The following CASK variants were observed in gnomAD, a reference collection of about 807,000 sequenced individuals.
CASK encodes calcium/calmodulin dependent serine protein kinase.
In CASK, 4 loss-of-function variants were observed where a neutral mutation model predicts 82.9. The ratio of observed to expected loss-of-function variants is 0.05; its 90% CI spans 0.02 to 0.11. CASK has a LOEUF of 0.11. CASK is among the 10% of genes least tolerant of loss of function. The pLI, the probability that CASK is intolerant of heterozygous loss-of-function variation, is 1.00. For synonymous variants in CASK, 259 were observed against 253.5 expected (o/e 1.02, Z -0.20); for missense variants, 358 against 720.9 (o/e 0.50, Z 5.76).
intron 5 of CASK, among the ~76,000 whole-genome samples, chrX:41,711,144 C>T (rs1485348609): frequency 9.0e-6 from 1 of 110,998 alleles, no homozygotes; most frequent in African/African-American, 3.3e-5. Flanking sequence ...TAGCCATTGG[C>T]ATCTAAAGGT....
At chrX:41,618,268 T>A (rs748117653) in intron 11 of CASK, among the ~76,000 whole-genome samples, 2 of 112,390 alleles carry the variant, frequency 1.8e-5, no homozygotes, top group Non-Finnish European at 3.8e-5. Flanking sequence ...TACTACCTTA[T>A]GTGATTCCAC....
intron 14 of CASK, among the ~76,000 whole-genome samples, chrX:41,583,565 T>C (rs1438595122): frequency 9.1e-6 from 1 of 110,188 alleles, no homozygotes; most frequent in African/African-American, 3.3e-5. Flanking sequence ...GCCTCTCAAG[T>C]AGCTGGGACT....
intron 2 of CASK, among the ~76,000 whole-genome samples, chrX:41,839,009 C>T (rs1336384035): frequency 1.8e-5 from 2 of 111,500 alleles, no homozygotes; most frequent in African/African-American, 3.3e-5. Flanking sequence ...CATCAAGCTA[C>T]GTGTCTATCT....
intron 25 of CASK, 29 bp from the exon 26 acceptor site, chrX:41,524,063 G>A (rs756050325): frequency 1.7e-5 from 16 of 927,938 alleles, no homozygotes; most frequent in Admixed American, 1.0e-4. Flanking sequence ...AAAAAATCCC[G>A]ACTTAAAAGA....
intron 1 of CASK, among the ~76,000 whole-genome samples, chrX:41,895,370 T>C (rs748022635): frequency 9.0e-6 from 1 of 111,707 alleles, no homozygotes. Flanking sequence ...TAAAGGTATG[T>C]TCATTTATTT....
At chrX:41,802,097 C>T (rs1373331477) in intron 2 of CASK, among the ~76,000 whole-genome samples, 1 of 111,266 alleles carries the variant, frequency 9.0e-6, no homozygotes, top group Non-Finnish European at 1.9e-5. Flanking sequence ...ACAGAGTGTT[C>T]CCAGGCACCT....
chrX:41,715,211 G>A, intron 5 of CASK, among the ~76,000 whole-genome samples: 1 of 112,668 alleles, frequency 8.9e-6, no homozygotes, highest in Non-Finnish European at 1.9e-5. Context: ...CACATGGTCA[G>A]GCAGAAGGGC....
chrX:41,571,551 T>C (rs1243214920), intron 15 of CASK, among the ~76,000 whole-genome samples: 2 of 111,855 alleles, frequency 1.8e-5, no homozygotes, highest in Non-Finnish European at 3.8e-5. Flanking sequence ...TTCCCCGTGA[T>C]TGTATAGCCA....
intron 2 of CASK, among the ~76,000 whole-genome samples, chrX:41,811,096 C>A (rs1306809652): frequency 9.0e-6 from 1 of 111,377 alleles, no homozygotes; most frequent in Non-Finnish European, 1.9e-5. Context: ...TCCTTAGAGA[C>A]CTACAAAGAG....
At chrX:41,598,818 T>C (rs977474530) in intron 12 of CASK, among the ~76,000 whole-genome samples, 1 of 112,098 alleles carries the variant, frequency 8.9e-6, no homozygotes, top group African/African-American at 3.2e-5. Flanking sequence ...AAATTGTTTT[T>C]CTTGAAATTT....
intron 3 of CASK, among the ~76,000 whole-genome samples, chrX:41,758,852 CAA>C (rs752916469): frequency 6.2e-4 from 69 of 112,190 alleles, no homozygotes; most frequent in African/African-American, 2.1e-3. Context: ...GATATACTGT[CAA>C]AGACATTAAA....
chrX:41,795,020 T>C (rs1602635373), intron 2 of CASK, among the ~76,000 whole-genome samples: 1 of 111,865 alleles, frequency 8.9e-6, no homozygotes, highest in Admixed American at 9.5e-5. Context: ...CAGAAAGCAA[T>C]TTGTGGTCTG....
intron 19 of CASK, 137 bp from the exon 20 acceptor site, chrX:41,555,772 A>G (rs1464273886): frequency 2.0e-6 from 1 of 489,463 alleles, no homozygotes; most frequent in African/African-American, 2.4e-5. Context: ...ACATTATTCC[A>G]TTTATCAGAA....
rs185302598 is a variant in CASK, at chrX:41,557,902, T to C, written c.1738-802A>G. 2.7e-5 allele frequency among the ~76,000 whole-genome samples: 3 copies of C among 111,966 alleles called. No homozygotes were observed. The East Asian group carries it at 8.4e-4, about 31-fold the overall frequency. ...AAATAAGTACTTTTTAATTTTTGCT[T>C]CTGTAGAGTTCTTTTAAGCCTTAGA... On this transcript the variant is annotated intron_variant, in intron 18 of 26. Transcript: ENST00000378163.
chrX:41,601,212 T>A (rs1418748090), intron 12 of CASK, among the ~76,000 whole-genome samples: 1 of 111,461 alleles, frequency 9.0e-6, no homozygotes, highest in Non-Finnish European at 1.9e-5. Context: ...ATATACTTAA[T>A]GTCATTGAAC....
At chrX:41,802,706 A>G (rs2070027064) in intron 2 of CASK, among the ~76,000 whole-genome samples, 1 of 111,474 alleles carries the variant, frequency 9.0e-6, no homozygotes, top group Non-Finnish European at 1.9e-5. Context: ...TTATTCAATC[A>G]ATCCTCTCAA....
chrX:41,553,836 C>T lies in CASK; in HGVS notation c.1922G>A (p.Arg641Lys), dbSNP rs76106850. The T allele has an allele frequency of 1.7e-4, 201 of 1,203,462 alleles. 1 individual carries two copies. The East Asian group carries it at 4.6e-3, about 28-fold the overall frequency. ...AATAATCTGGATGATGTCACCAACTCTGAATCGAATGCCAGCTTCTTTACA... is the reference window on the plus strand; with the variant it reads ...AATAATCTGGATGATGTCACCAACTTTGAATCGAATGCCAGCTTCTTTACA... ...IPCKEAGIRF[R>K]VGDIIQIISK... Residue 641 changes from arginine to lysine, a missense_variant, in exon 21 of 27, where the codon AGA becomes AAA. By Grantham distance (26) the Arg-to-Lys change is conservative. Around this residue, in one of 5 missense-constraint regions of CASK, gnomAD observed 19 missense variants for 64.8 expected, o/e 0.29. Transcript: ENST00000378163.
At chrX:41,742,108 T>C (rs2068605137) in intron 4 of CASK, among the ~76,000 whole-genome samples, 1 of 111,949 alleles carries the variant, frequency 8.9e-6, no homozygotes, top group Non-Finnish European at 1.9e-5. Context: ...GAAATGCCCT[T>C]AATAGGATAT....
rs750717385 is a variant in CASK, at chrX:41,593,718, T to A, written c.1156-4126A>T. Among the ~76,000 whole-genome samples the A allele has an allele frequency of 8.2e-4, 92 of 112,589 alleles. 1 individual carries two copies. Among genetic ancestry groups the A allele is most frequent in the Admixed American group, 4.2e-3 (45 of 10,646 alleles). On this transcript the variant is annotated intron_variant, in intron 12 of 26. Coordinates refer to ENST00000378163, the MANE Select transcript of CASK (RefSeq NM_001367721.1). The stretch of plus-strand genomic sequence containing the variant: ...ACATTTTTGTCTTAGAGACTCAAAA[T>A]ACTTTAGTGATATCCATAGCATATA...
Sources: gnomAD v4.1 joint callset for allele counts (sites outside exome capture counted in the v4.1 genomes callset) on GRCh38, gnomAD v4.1.1 for gene constraint, gnomAD v4.1.1 regional missense constraint, MANE v1.5 for transcripts, NCBI Gene and HGNC (gene_info 2026-07-23, HGNC 2026-07-21) for gene names.